The following ASB7 variants were observed in gnomAD, a reference collection of about 807,000 sequenced individuals.
ASB7 encodes the protein ankyrin repeat and SOCS box containing 7, also known as ankyrin repeat and SOCS box protein 7.
In ASB7, 4 loss-of-function variants were observed where a neutral mutation model predicts 32.5. That is an observed-to-expected ratio of 0.12 (90% confidence interval 0.06 to 0.28). The LOEUF (loss-of-function observed/expected upper bound fraction) is 0.28, where lower values mean the gene tolerates loss of function less well. Ranked by LOEUF, ASB7 falls within the 10% of genes least tolerant of loss-of-function variation. The probability of loss-of-function intolerance (pLI) is 1.00; values close to 1 mark genes in which losing one functional copy is unlikely to be tolerated. For synonymous variants in ASB7, 172 were observed against 155.6 expected (o/e 1.11, Z -0.78); for missense variants, 181 against 407.1 (o/e 0.44, Z 4.78).
At chr15:100,639,971 A>C (rs1197968967) in intron 5 of ASB7, among the ~76,000 whole-genome samples, 2 of 152,316 alleles carry the variant, frequency 1.3e-5, no homozygotes, top group South Asian at 4.1e-4. Flanking sequence ...GATGTTGTAT[A>C]CATTGGGATT....
intron 5 of ASB7, among the ~76,000 whole-genome samples, chr15:100,631,907 A>C (rs1320192169): frequency 6.6e-6 from 1 of 152,252 alleles, no homozygotes; most frequent in Non-Finnish European, 1.5e-5. Context: ...GCTTGCCACC[A>C]ACAGAGCAAA....
At chr15:100,619,180 A>G (rs1008317178) in intron 4 of ASB7, among the ~76,000 whole-genome samples, 6 of 152,186 alleles carry the variant, frequency 3.9e-5, no homozygotes, top group African/African-American at 1.4e-4. Flanking sequence ...AGGTGAGGCA[A>G]GGATGGAGGC....
At chr15:100,603,797 G>C (rs1464180148) in intron 2 of ASB7, among the ~76,000 whole-genome samples, 3 of 152,196 alleles carry the variant, frequency 2.0e-5, no homozygotes, top group African/African-American at 7.2e-5. Flanking sequence ...CAACGATTTG[G>C]TAGAGAAAGG....
intron 4 of ASB7, among the ~76,000 whole-genome samples, chr15:100,614,233 C>T (rs1450012704): frequency 1.3e-5 from 2 of 148,218 alleles, no homozygotes; most frequent in Non-Finnish European, 3.0e-5. Context: ...GAGATCATGC[C>T]ACTGCACTCC....
chr15:100,634,939 T>C (rs1035419416), intron 5 of ASB7, among the ~76,000 whole-genome samples: 4 of 152,212 alleles, frequency 2.6e-5, no homozygotes, highest in Admixed American at 1.3e-4. Flanking sequence ...TCCTGGAGAA[T>C]GCCCCCTGGA....
At chr15:100,626,370 T>G (rs1232056909) in intron 4 of ASB7, among the ~76,000 whole-genome samples, 1 of 152,166 alleles carries the variant, frequency 6.6e-6, no homozygotes, top group East Asian at 1.9e-4. Flanking sequence ...GTATAACTAG[T>G]TATTAGGGAA....
intron 4 of ASB7, among the ~76,000 whole-genome samples, chr15:100,624,996 T>G (rs897285637): frequency 6.6e-5 from 10 of 152,238 alleles, no homozygotes; most frequent in African/African-American, 2.4e-4. Flanking sequence ...TTTGTCACAT[T>G]AGAATAAAAC....
intron 2 of ASB7, among the ~76,000 whole-genome samples, chr15:100,605,613 A>G (rs145099518): frequency 7.2e-5 from 11 of 152,318 alleles, no homozygotes; most frequent in Middle Eastern, 3.4e-3. Flanking sequence ...TATGATTTAT[A>G]TGGGCATATC....
At chr15:100,611,548 C>T (rs370440608) in intron 3 of ASB7, among the ~76,000 whole-genome samples, 5 of 122,158 alleles carry the variant, frequency 4.1e-5, no homozygotes, top group South Asian at 5.9e-4. Flanking sequence ...GGCGCAATCT[C>T]AGCTCAATGA....
intron 5 of ASB7, among the ~76,000 whole-genome samples, chr15:100,633,594 G>C (rs533391468): frequency 1.3e-5 from 2 of 149,500 alleles, no homozygotes; most frequent in Non-Finnish European, 3.0e-5. Context: ...AAAGAGGAAA[G>C]AGAGGAAAGG....
At chr15:100,615,873 A>G (rs1430048794) in intron 4 of ASB7, among the ~76,000 whole-genome samples, 1 of 152,206 alleles carries the variant, frequency 6.6e-6, no homozygotes, top group Non-Finnish European at 1.5e-5. Flanking sequence ...ATTTATTTAC[A>G]CTTCTTATTG....
chr15:100,626,200 G>A (rs563180814), intron 4 of ASB7, among the ~76,000 whole-genome samples: 2 of 152,236 alleles, frequency 1.3e-5, no homozygotes, highest in South Asian at 2.1e-4. Context: ...GAAAAAGCAC[G>A]CAACAAACTA....
At chr15:100,610,084 C>T (rs188649976) in intron 3 of ASB7, among the ~76,000 whole-genome samples, 7 of 152,280 alleles carry the variant, frequency 4.6e-5, no homozygotes, top group East Asian at 1.9e-4. Context: ...TTCCTTCAGA[C>T]GGTCTTCAGC....
chr15:100,621,831 A>G (rs2141394992), intron 4 of ASB7, among the ~76,000 whole-genome samples: 1 of 152,114 alleles, frequency 6.6e-6, no homozygotes, highest in South Asian at 2.1e-4. Context: ...GAAAAGATCA[A>G]TAAAATTGAT....
chr15:100,612,257 A>G lies in ASB7; in HGVS notation c.41A>G (p.Glu14Gly). The change falls in exon 4 of 6, where the codon GAA becomes GGA. Residue 14 changes from glutamate (E) to glycine (G), a missense_variant. By Grantham distance (98) the Glu-to-Gly change is moderately conservative. Coordinates refer to ENST00000332783, the MANE Select transcript of ASB7 (RefSeq NM_198243.3). ...TGTCGAAGGAACCCTGAGCTCCAGG[A>G]AGAGTTGCAGATTCAGGCCGCGGTG... ...HHCRRNPELQ[E>G]ELQIQAAVAA... The G allele has an allele frequency of 6.2e-7, 1 of 1,614,164 alleles. No homozygotes were observed. The highest frequency in any genetic ancestry group is 8.5e-7 in the Non-Finnish European group (1 of 1,180,002).
At chr15:100,632,829 G>A (rs185384799) in intron 5 of ASB7, among the ~76,000 whole-genome samples, 167 of 149,438 alleles carry the variant, frequency 1.1e-3, no homozygotes, top group African/African-American at 3.9e-3. Flanking sequence ...TGGAAAAATT[G>A]CCGTAAAAAC....
In ASB7 at chr15:100,622,109, A is replaced by G. The variant is rs1023805547; in HGVS notation, c.212-7328A>G. 3.9e-5 allele frequency among the ~76,000 whole-genome samples: 6 copies of G among 152,304 alleles called. No individual in the cohort carries two copies. The East Asian group carries it at 1.2e-3, about 29-fold the overall frequency. ...AATCAGTACAGTTGTAGGATACAAAATCAACATACAAAAATCAGTAGCATT... is the reference window on the plus strand; with the variant it reads ...AATCAGTACAGTTGTAGGATACAAAGTCAACATACAAAAATCAGTAGCATT... On this transcript the variant is annotated intron_variant, in intron 4 of 5. Coordinates refer to ENST00000332783, the MANE Select transcript of ASB7 (RefSeq NM_198243.3).
At chr15:100,614,542 T>G (rs1055640272) in intron 4 of ASB7, among the ~76,000 whole-genome samples, 4 of 151,990 alleles carry the variant, frequency 2.6e-5, no homozygotes, top group Non-Finnish European at 4.4e-5. Flanking sequence ...CCACAGATAG[T>G]ATGTAAACTA....
chr15:100,616,486 C>T (rs1025130314), intron 4 of ASB7, among the ~76,000 whole-genome samples: 1 of 152,156 alleles, frequency 6.6e-6, no homozygotes, highest in African/African-American at 2.4e-5. Context: ...GCTTTTTAAT[C>T]TGTTCAGAAT....
Sources: allele counts gnomAD v4.1 joint callset (sites outside exome capture counted in the v4.1 genomes callset), GRCh38; gene constraint gnomAD v4.1.1; transcripts MANE v1.5; gene names NCBI Gene and HGNC (gene_info 2026-07-23, HGNC 2026-07-21).